USF3: variants seen among roughly 807,000 people sequenced by gnomAD.
USF3 encodes the protein basic helix-loop-helix domain-containing protein USF3.
USF3 carries 29 observed loss-of-function variants against 157.5 expected under a neutral mutation model. That is an observed-to-expected ratio of 0.18 (90% CI 0.14 to 0.25). The LOEUF is 0.25. USF3 is among the 10% of genes least tolerant of loss of function. The probability of loss-of-function intolerance (pLI) is 1.00; values close to 1 mark genes in which losing one functional copy is unlikely to be tolerated. For synonymous variants in USF3, 893 were observed against 941.4 expected, an observed-to-expected ratio of 0.95 and a Z score of 0.94; for missense variants, 2,381 against 2,667.6, an observed-to-expected ratio of 0.89 and a Z score of 2.37.
chr3:113,673,421 A>C, intron 3 of USF3, 45 bp from the exon 4 acceptor site: 1 of 1,221,094 alleles, frequency 8.2e-7, no homozygotes, highest in Non-Finnish European at 1.2e-6. Context: ...AAATAATGGG[A>C]AAGTATTTTT....
rs754809510 is a variant in USF3, at chr3:113,650,091, G to A, written c.*4853C>T. The A allele has an allele frequency of 9.6e-6, 5 of 523,460 alleles. No individual in the cohort carries two copies. The highest frequency in any genetic ancestry group is 1.7e-5 in the Non-Finnish European group (5 of 296,302). The allele number at this position is 523,460 out of a possible 1,614,324, so 32.4% of individuals were successfully genotyped here. A position where few individuals can be genotyped will look rare whatever the true frequency, so the allele number is the denominator to read the frequency against. ...CCTCTGGATGTACACAGCCACAGGC[G>A]CACTACCTCCAGGCAAAGGTAGCAT... On this transcript the variant is annotated 3_prime_UTR_variant, in exon 7 of 7. Coordinates refer to ENST00000316407, the MANE Select transcript of USF3 (RefSeq NM_001009899.4).
intron 1 of USF3, among the ~76,000 whole-genome samples, chr3:113,692,840 T>C (rs1707714431): frequency 1.3e-5 from 2 of 152,192 alleles, no homozygotes; most frequent in African/African-American, 2.4e-5. Flanking sequence ...AGAAAAATTA[T>C]CCAATTGGAC....
chr3:113,664,236 T>C, intron 6 of USF3, 77 bp downstream of exon 6: 3 of 900,796 alleles, frequency 3.3e-6, no homozygotes. Flanking sequence ...TTCTATGTCA[T>C]AATATAAATT....
At chr3:113,694,852 C>T (rs995753688) in intron 1 of USF3, among the ~76,000 whole-genome samples, 7 of 152,176 alleles carry the variant, frequency 4.6e-5, no homozygotes, top group Admixed American at 2.0e-4. Context: ...CAAGACCAGC[C>T]TGGCCAACAT....
At chr3:113,690,799 C>G (rs1707666404) in intron 1 of USF3, among the ~76,000 whole-genome samples, 1 of 152,180 alleles carries the variant, frequency 6.6e-6, no homozygotes, top group Non-Finnish European at 1.5e-5. Context: ...TGGACTCTAT[C>G]ACTCTCGCTA....
chr3:113,670,936 G>C (rs1378291939), intron 4 of USF3, among the ~76,000 whole-genome samples: 1 of 151,888 alleles, frequency 6.6e-6, no homozygotes, highest in East Asian at 1.9e-4. Context: ...GTAGGGACAG[G>C]GTCTTGCCAT....
At chr3:113,672,147 C>CTT (rs1208088407) in intron 4 of USF3, among the ~76,000 whole-genome samples, 2 of 133,714 alleles carry the variant, frequency 1.5e-5, no homozygotes, top group South Asian at 2.4e-4. Context: ...TTTTTTTTTT[C>CTT]TTTTTTTTTT....
intron 1 of USF3, among the ~76,000 whole-genome samples, chr3:113,692,502 C>T (rs1707707557): frequency 6.6e-6 from 1 of 151,664 alleles, no homozygotes; most frequent in African/African-American, 2.4e-5. Flanking sequence ...CTGGTCTTTC[C>T]TTTTTTTTGT....
At position 113,657,968 on chromosome 3, in the gene USF3, A is replaced by G; in HGVS notation, c.3714T>C (p.Ser1238=). 6.2e-7 allele frequency: 1 copy of G among 1,614,108 alleles called. No homozygotes were observed. Among genetic ancestry groups the G allele is most frequent in the Non-Finnish European group, 8.5e-7 (1 of 1,180,012 alleles). The change falls in exon 7 of 7, where the codon AGT becomes AGC. Residue 1238 remains serine, a synonymous_variant. Transcript: ENST00000316407. ...GATGGATAAGATTATTCACACTTAA[A>G]CTGGTGATGCTTGGTGGCTGAGAAG... ...DSTSQPPSIT[S]LSVNNLIHQS...
At chr3:113,692,676 C>T (rs542219471) in intron 1 of USF3, among the ~76,000 whole-genome samples, 25 of 152,234 alleles carry the variant, frequency 1.6e-4, no homozygotes, top group Non-Finnish European at 2.9e-4. Flanking sequence ...CAGTGTTGGG[C>T]ACATGGTAAA....
In USF3 at chr3:113,657,033, G is replaced by C. The variant is rs778867788; in HGVS notation, c.4649C>G (p.Ser1550Cys). 2 of 1,614,034 alleles carry C rather than the reference G, an allele frequency of 1.2e-6. No individual in the cohort carries two copies. The highest frequency in any genetic ancestry group is 1.7e-6 in the Non-Finnish European group (2 of 1,180,034). The change falls in exon 7 of 7, where the codon TCC (serine) becomes TGC (cysteine). Residue 1550 changes from serine to cysteine, a missense_variant. By Grantham distance (112) the Ser-to-Cys change is moderately radical. This residue lies in a region of USF3 where 770 missense variants were observed against 824.2 expected (regional missense o/e 0.93). Transcript: ENST00000316407. Reference sequence around the variant, plus strand: ...GTGGGGATGTGGCTGGCCAGTCTTGGATCGGGATTGGTCAGTTCCATGGTG... The same window carrying C: ...GTGGGGATGTGGCTGGCCAGTCTTGCATCGGGATTGGTCAGTTCCATGGTG... Reference protein sequence around the residue: ...PKHHGTDQSRSKTGQPHPHHQ... With the variant: ...PKHHGTDQSRCKTGQPHPHHQ...
chr3:113,694,223 T>A (rs1296377367), intron 1 of USF3, among the ~76,000 whole-genome samples: 1 of 152,242 alleles, frequency 6.6e-6, no homozygotes, highest in African/African-American at 2.4e-5. Flanking sequence ...ACCCTGTTTA[T>A]AAGCAACAAA....
intron 6 of USF3, among the ~76,000 whole-genome samples, chr3:113,663,036 C>CCATT (rs1947510605): frequency 6.7e-6 from 1 of 149,594 alleles, no homozygotes; most frequent in African/African-American, 2.5e-5. Flanking sequence ...GAGTCCAAGG[C>CCATT]CATTGCTTTG....
Position 113,650,370 on chromosome 3 carries a change from A to T in USF3, c.*4574T>A, listed in dbSNP as rs1947239259. 1.9e-5 allele frequency: 3 copies of T among 155,394 alleles called. No homozygotes were observed. The Admixed American group carries it at 1.9e-4, about 10-fold the overall frequency. The allele number at this position is 155,394 out of a possible 1,614,324, so 9.6% of individuals were successfully genotyped here. Reference sequence around the variant, plus strand: ...TGGTTCCCAAAGCCAAGACTTGGGAATCACTGATTTGGGAGTATGACTCAC... The same window carrying T: ...TGGTTCCCAAAGCCAAGACTTGGGATTCACTGATTTGGGAGTATGACTCAC... On this transcript the variant is annotated 3_prime_UTR_variant, in exon 7 of 7. Coordinates refer to ENST00000316407, the MANE Select transcript of USF3 (RefSeq NM_001009899.4).
At chr3:113,661,490 A>G in intron 6 of USF3, 65 bp from the exon 7 acceptor site, 4 of 925,736 alleles carry the variant, frequency 4.3e-6, no homozygotes, top group Non-Finnish European at 6.4e-6. Context: ...TAACTTGATA[A>G]AGAACTGTAT....
chr3:113,674,666 T>C lies in USF3; in HGVS notation c.47+166A>G, dbSNP rs574752367. Reference sequence around the variant, plus strand: ...CCAGGACAGATAATTTTTAACCATATACCTTTTTCAGTAAATCTGTATTTA... The same window carrying C: ...CCAGGACAGATAATTTTTAACCATACACCTTTTTCAGTAAATCTGTATTTA... On this transcript the variant is annotated intron_variant, in intron 3 of 6. Coordinates refer to ENST00000316407, the MANE Select transcript of USF3 (RefSeq NM_001009899.4). 5.9e-5 allele frequency among the ~76,000 whole-genome samples: 9 copies of C among 152,360 alleles called. No homozygotes were observed. The East Asian group carries it at 1.7e-3, about 29-fold the overall frequency.
chr3:113,659,044 C>A lies in USF3; in HGVS notation c.2638G>T (p.Val880Leu). 1.2e-6 allele frequency: 2 copies of A among 1,614,126 alleles called. No individual in the cohort carries two copies. Among genetic ancestry groups the A allele is most frequent in the Non-Finnish European group, 1.7e-6 (2 of 1,180,020 alleles). The change falls in exon 7 of 7, where the codon GTA becomes TTA. Residue 880 changes from valine (V) to leucine (L), a missense_variant. By Grantham distance (32) the Val-to-Leu change is conservative (BLOSUM62 1). Around this residue, in one of 6 missense-constraint regions of USF3, gnomAD observed 1,435 missense variants for 1,550.9 expected, o/e 0.93. Coordinates refer to ENST00000316407, the MANE Select transcript of USF3 (RefSeq NM_001009899.4). ...TTTTCTGCTGACTTAGATTTCGATA[C>A]AGACTCAGGTATTAATGATTCAGAG... ...LSSESLIPES[V>L]SKSKSAEKSS...
At position 113,655,979 on chromosome 3, in the gene USF3, A is replaced by C. The variant is rs1436133528; in HGVS notation, c.5703T>G (p.Ser1901=). ...STLNIPFSSS[S]SSGDIQGRNT... ...TTCGACCTTGAATATCTCCTGAGGA[A>C]GAGGAACTTGAAAAAGGAATATTCA... Residue 1901 remains serine, a synonymous_variant, in exon 7 of 7, where the codon TCT becomes TCG. Coordinates refer to ENST00000316407, the MANE Select transcript of USF3 (RefSeq NM_001009899.4). The C allele has an allele frequency of 6.2e-7, 1 of 1,614,218 alleles. No homozygotes were observed. Among genetic ancestry groups the C allele is most frequent in the South Asian group, 1.1e-5 (1 of 91,090 alleles).
rs1466309571 is a variant in USF3 at position 113,651,310 on chromosome 3, G to A, written c.*3634C>T. The A allele has an allele frequency of 1.3e-5, 2 of 152,124 alleles. No homozygotes were observed. Among genetic ancestry groups the A allele is most frequent in the Admixed American group, 1.3e-4 (2 of 15,276 alleles). 9.4% of individuals were successfully genotyped at this position (152,124 alleles called of 1,614,324 possible). On this transcript the variant is annotated 3_prime_UTR_variant, in exon 7 of 7. Coordinates refer to ENST00000316407, the MANE Select transcript of USF3 (RefSeq NM_001009899.4). ...ACTAATTTTGTTTCAAGAAATTCTT[G>A]TTGCTCTTTAAGAGAATACGAGGCA...
Sources: allele counts gnomAD v4.1 joint callset (sites outside exome capture counted in the v4.1 genomes callset), GRCh38; gene constraint gnomAD v4.1.1; regional missense constraint gnomAD v4.1.1; transcripts MANE v1.5; gene names NCBI Gene and HGNC (gene_info 2026-07-23, HGNC 2026-07-21).